Variants in GPHN observed in about 807,000 individuals in gnomAD.
The protein encoded by GPHN is gephyrin.
GPHN carries 17 observed loss-of-function variants against 95.5 expected under a neutral mutation model. That is an observed-to-expected ratio of 0.18 (90% confidence interval 0.12 to 0.27). The LOEUF (loss-of-function observed/expected upper bound fraction) is 0.27, where lower values mean the gene tolerates loss of function less well. Among genes scored for constraint, GPHN ranks in the 10% least tolerant of loss-of-function variants. The pLI is 1.00. For missense variants in GPHN, 660 were observed against 978.1 expected, an observed-to-expected ratio of 0.67 and a Z score of 4.34; for synonymous variants, 320 against 322.5, an observed-to-expected ratio of 0.99 and a Z score of 0.08.
At chr14:67,303,562 G>A in the GPHN span, 6 of 1,613,840 alleles carry the variant, frequency 3.7e-6, no homozygotes, top group East Asian at 8.9e-5. Context: ...CTGATTCCCA[G>A]TCAACAGATC....
intron 1 of GPHN, among the ~76,000 whole-genome samples, chr14:66,514,730 GCAATCTTA>G (rs2058172373): frequency 6.6e-6 from 1 of 151,944 alleles, no homozygotes; most frequent in African/African-American, 2.4e-5. Flanking sequence ...TCTGTTATTA[GCAATCTTA>G]CACTTAGGTT....
At chr14:67,098,213 A>AC (rs1252196810) in intron 12 of GPHN, among the ~76,000 whole-genome samples, 36 of 152,256 alleles carry the variant, frequency 2.4e-4, no homozygotes, top group African/African-American at 8.7e-4. Flanking sequence ...TTGGCACTGC[A>AC]CTAAAATAGA....
rs147065934 is a variant in GPHN at position 66,979,069 on chromosome 14, G to C, written c.963+13744G>C. Among the ~76,000 whole-genome samples, 82 of 152,290 alleles carry C rather than the reference G, an allele frequency of 5.4e-4. No homozygotes were observed. The East Asian group carries it at 0.013, about 23-fold the overall frequency. The stretch of plus-strand genomic sequence containing the variant: ...AGTAAACCATGCTGCAAAAAGATGT[G>C]CTGTCATCTAGGCTTTCTTGTTCCA... On this transcript the variant is annotated intron_variant, in intron 9 of 22. Transcript: ENST00000478722.
At chr14:67,309,025 T>C in the GPHN span, among the ~76,000 whole-genome samples, 2 of 151,946 alleles carry the variant, frequency 1.3e-5, no homozygotes, top group Non-Finnish European at 2.9e-5. Context: ...AAAAAGAAAA[T>C]GTTGGGCTGG....
intron 2 of GPHN, among the ~76,000 whole-genome samples, chr14:66,709,988 A>T (rs147175745): frequency 2.0e-5 from 3 of 152,112 alleles, no homozygotes; most frequent in Non-Finnish European, 4.4e-5. Context: ...CATTAGTTAT[A>T]TGAAGGGAAG....
chr14:66,717,149 G>A (rs547414835), intron 2 of GPHN, among the ~76,000 whole-genome samples: 9 of 152,210 alleles, frequency 5.9e-5, no homozygotes, highest in South Asian at 4.1e-4. Flanking sequence ...AGGTTTGGTC[G>A]TTGAGCATAA....
the GPHN span, among the ~76,000 whole-genome samples, chr14:67,272,328 G>C: frequency 6.6e-6 from 1 of 152,000 alleles, no homozygotes. Flanking sequence ...TCCCACCTTT[G>C]GTTCATATGG....
the GPHN span, chr14:67,533,433 T>A: frequency 6.6e-6 from 1 of 151,702 alleles, no homozygotes; most frequent in African/African-American, 2.4e-5. Flanking sequence ...TGTGGTGGGC[T>A]GGGGCTGCGC....
the GPHN span, chr14:67,364,942 A>G: frequency 6.2e-7 from 1 of 1,614,118 alleles, no homozygotes; most frequent in Non-Finnish European, 8.5e-7. Flanking sequence ...TATCCGTTCT[A>G]TCAACAAACT....
the GPHN span, among the ~76,000 whole-genome samples, chr14:67,256,470 A>G: frequency 6.6e-6 from 1 of 152,270 alleles, no homozygotes; most frequent in Non-Finnish European, 1.5e-5. Flanking sequence ...ATTTAATACA[A>G]TAAAGGTATA....
intron 8 of GPHN, among the ~76,000 whole-genome samples, chr14:66,948,451 T>A (rs2067889793): frequency 6.6e-6 from 1 of 152,226 alleles, no homozygotes; most frequent in African/African-American, 2.4e-5. Flanking sequence ...TTATCTAAAT[T>A]TAGGTATTCA....
the GPHN span, chr14:67,692,499 C>T: frequency 6.2e-7 from 1 of 1,613,986 alleles, no homozygotes; most frequent in South Asian, 1.1e-5. Context: ...CCAGTTTCCG[C>T]ACCAACACCT....
chr14:67,102,727 G>A (rs538054416), intron 13 of GPHN, among the ~76,000 whole-genome samples: 1 of 152,228 alleles, frequency 6.6e-6, no homozygotes, highest in South Asian at 2.1e-4. Flanking sequence ...TTAAAATGAA[G>A]GCAGCAGTTT....
the GPHN span, chr14:67,578,290 C>T: frequency 2.0e-5 from 23 of 1,178,456 alleles, no homozygotes; most frequent in African/African-American, 1.6e-4. This position sits in a 1 kb window ranked among gnomAD's most constrained non-coding sequence, Gnocchi z 5.0. Flanking sequence ...GGCAGGTATA[C>T]GGTGAGCCCA....
chr14:66,883,718 G>A (rs2064041093), intron 5 of GPHN, among the ~76,000 whole-genome samples: 2 of 152,054 alleles, frequency 1.3e-5, no homozygotes, highest in South Asian at 4.1e-4. Context: ...CACTTTCTGT[G>A]GGTAGTGGCT....
At chr14:66,810,943 A>G (rs1195929948) in intron 3 of GPHN, among the ~76,000 whole-genome samples, 1 of 152,194 alleles carries the variant, frequency 6.6e-6, no homozygotes, top group Non-Finnish European at 1.5e-5. Context: ...ACAGTCAGAA[A>G]ATTTATAAAG....
chr14:67,213,857 C>G, the GPHN span, among the ~76,000 whole-genome samples: 4 of 152,220 alleles, frequency 2.6e-5, no homozygotes, highest in Admixed American at 2.6e-4. Flanking sequence ...GATTGCCATT[C>G]TAACTGGTGT....
At chr14:67,325,147 C>A in the GPHN span, among the ~76,000 whole-genome samples, 1 of 151,964 alleles carries the variant, frequency 6.6e-6, no homozygotes, top group Admixed American at 6.6e-5. Flanking sequence ...CCTTGTGATC[C>A]ACCCGCCTTG....
the GPHN span, among the ~76,000 whole-genome samples, chr14:67,377,864 A>G: frequency 2.6e-5 from 4 of 151,796 alleles, no homozygotes; most frequent in Non-Finnish European, 5.9e-5. Context: ...TCCCAGCACT[A>G]TGTAAGGCTG....
Sources: allele counts gnomAD v4.1 joint callset (sites outside exome capture counted in the v4.1 genomes callset), GRCh38; gene constraint gnomAD v4.1.1; non-coding constraint Gnocchi (gnomAD v3.1); transcripts MANE v1.5; gene names NCBI Gene and HGNC (gene_info 2026-07-23, HGNC 2026-07-21).